Variants in LTV1 observed in about 807,000 individuals in gnomAD.
LTV1 encodes LTV1 ribosome biogenesis factor.
LTV1 carries 39 observed loss-of-function variants against 59.9 expected under a neutral mutation model. That is an observed-to-expected ratio of 0.65 (90% CI 0.50 to 0.85). LTV1 has a LOEUF of 0.85. Ranked by LOEUF, LTV1 falls within the 40% of genes least tolerant of loss-of-function variation. The pLI, the probability that LTV1 is intolerant of heterozygous loss-of-function variation, is 0.00. For missense variants in LTV1, 493 were observed against 549.1 expected, an observed-to-expected ratio of 0.90 and a Z score of 1.02; for synonymous variants, 171 against 189.5, an observed-to-expected ratio of 0.90 and a Z score of 0.80.
chr6:143,844,662 T>C, intron 2 of LTV1, 45 bp downstream of exon 2: 1 of 1,522,336 alleles, frequency 6.6e-7, no homozygotes, highest in South Asian at 1.3e-5. Context: ...TAGACAATAG[T>C]TTTTTTTTTC....
At chr6:143,852,630 A>G in intron 4 of LTV1, among the ~76,000 whole-genome samples, 1 of 152,140 alleles carries the variant, frequency 6.6e-6, no homozygotes, top group East Asian at 1.9e-4. Context: ...GTTTTAGTCA[A>G]GAAGTCTTTG....
In LTV1 at chr6:143,862,170, G is replaced by A; in HGVS notation, c.990G>A (p.Glu330=). Residue 330 remains glutamate (E), a synonymous_variant, in exon 8 of 11, where the codon GAG becomes GAA. Coordinates refer to ENST00000367576, the MANE Select transcript of LTV1 (RefSeq NM_032860.5). The surrounding 1 kb of genome is among the most constrained non-coding windows in gnomAD (Gnocchi z 4.2). ...ACCTGCCAATGAATGAGCTTGATGA[G>A]TCTGAGGAGGAAGAAATGATTACTG... ...DQDLPMNELD[E]SEEEEMITVV... is the part of the protein sequence containing the mutation. 1.9e-6 allele frequency: 3 copies of A among 1,613,960 alleles called. No individual in the cohort carries two copies. The highest frequency in any genetic ancestry group is 2.5e-6 in the Non-Finnish European group (3 of 1,179,866).
intron 2 of LTV1, 57 bp downstream of exon 2, chr6:143,844,674 T>G: frequency 3.7e-6 from 4 of 1,068,816 alleles, no homozygotes; most frequent in East Asian, 4.7e-5. Context: ...TTTTTTTTCT[T>G]TTTTTTTTTT....
chr6:143,850,380 A>G (rs1776962845), intron 4 of LTV1, among the ~76,000 whole-genome samples, 162 bp downstream of exon 4: 1 of 152,152 alleles, frequency 6.6e-6, no homozygotes, highest in East Asian at 1.9e-4. Flanking sequence ...TGATCTTTGT[A>G]TTTTTGTATT....
In LTV1 at chr6:143,850,483, T is replaced by G. The variant is rs139375135; in HGVS notation, c.397+265T>G. Among the ~76,000 whole-genome samples the G allele has an allele frequency of 2.1e-3, 318 of 152,338 alleles. 2 individuals carry two copies. Among genetic ancestry groups the G allele is most frequent in the African/African-American group, 7.4e-3 (309 of 41,572 alleles). ...TAATCTAGTTAGGGGAATTGTAACC[T>G]TCACATAACCTCTTGCAAAGATAGT... is the stretch of plus-strand genomic sequence containing the variant. On this transcript the variant is annotated intron_variant, in intron 4 of 10. Coordinates refer to ENST00000367576, the MANE Select transcript of LTV1 (RefSeq NM_032860.5).
rs564713603 is a variant in LTV1 at position 143,855,456 on chromosome 6, T to C, written c.398-1847T>C. Among the ~76,000 whole-genome samples, 2 of 152,344 alleles carry C rather than the reference T, an allele frequency of 1.3e-5. No individual in the cohort carries two copies. The highest frequency in any genetic ancestry group is 4.1e-4 in the South Asian group (2 of 4,828). ...TTATCCCATTTACATTTAAGGTTAA[T>C]ATTGTAATGTGTTATTTGATTCTGT... On this transcript the variant is annotated intron_variant, in intron 4 of 10. Coordinates refer to ENST00000367576, the MANE Select transcript of LTV1 (RefSeq NM_032860.5). The surrounding 1 kb of genome is among the most constrained non-coding windows in gnomAD (Gnocchi z 4.6).
At chr6:143,856,966 C>T (rs539915321) in intron 4 of LTV1, among the ~76,000 whole-genome samples, 3 of 152,296 alleles carry the variant, frequency 2.0e-5, no homozygotes, top group Non-Finnish European at 2.9e-5. Context: ...AGCACTGTGC[C>T]GGGAGATCCG....
intron 3 of LTV1, 125 bp downstream of exon 3, chr6:143,846,349 T>A: frequency 1.2e-6 from 1 of 804,978 alleles, no homozygotes; most frequent in Non-Finnish European, 2.0e-6. Context: ...CGCCTCCACT[T>A]AAAATTATAT....
intron 1 of LTV1, among the ~76,000 whole-genome samples, chr6:143,843,800 C>G (rs1776843191): frequency 6.6e-6 from 1 of 152,204 alleles, no homozygotes; most frequent in African/African-American, 2.4e-5. Context: ...CCCTGTGCTT[C>G]TTGGGGTCGA....
chr6:143,857,268 T>G lies in LTV1; in HGVS notation c.398-35T>G. 3 of 1,610,754 alleles carry G rather than the reference T, an allele frequency of 1.9e-6. No individual in the cohort carries two copies. Among genetic ancestry groups the G allele is most frequent in the South Asian group, 1.1e-5 (1 of 90,814 alleles). On this transcript the variant is annotated intron_variant, in intron 4 of 10. Transcript: ENST00000367576. The surrounding 1 kb of genome is among the most constrained non-coding windows in gnomAD (Gnocchi z 5.2). ...TTAAGTGAATGAATTGTTGCTATCT[T>G]GGGAATTACTGCTTAATTTTTGTTT...
In LTV1 at chr6:143,859,969, G is replaced by C. The variant is rs532853164; in HGVS notation, c.796-457G>C. 2.9e-4 allele frequency among the ~76,000 whole-genome samples: 44 copies of C among 152,210 alleles called. No individual in the cohort carries two copies. In the East Asian group the frequency reaches 6.2e-3, roughly 21 times the overall value. Reference sequence around the variant, plus strand: ...AATAAATAAAATGGCCTGGTATGGTGGCATGTGCCTGTGGTCCCAGCTGCT... The same window carrying C: ...AATAAATAAAATGGCCTGGTATGGTCGCATGTGCCTGTGGTCCCAGCTGCT... On this transcript the variant is annotated intron_variant, in intron 6 of 10. Transcript: ENST00000367576.
chr6:143,856,070 A>G (rs1343873281), intron 4 of LTV1, among the ~76,000 whole-genome samples: 1 of 152,214 alleles, frequency 6.6e-6, no homozygotes, highest in Non-Finnish European at 1.5e-5. Context: ...AGGTACACCA[A>G]TCAAACATAG....
intron 3 of LTV1, among the ~76,000 whole-genome samples, chr6:143,846,693 C>T (rs1446348425): frequency 6.6e-6 from 1 of 152,128 alleles, no homozygotes. Flanking sequence ...AATGTTCGGT[C>T]CACTTTAATA....
chr6:143,852,415 G>A (rs1252797019), intron 4 of LTV1, among the ~76,000 whole-genome samples: 7 of 151,950 alleles, frequency 4.6e-5, no homozygotes, highest in Non-Finnish European at 1.0e-4. Flanking sequence ...TTTTCAATGG[G>A]GTTGTTTGTT....
chr6:143,847,783 A>G (rs1776917334), intron 3 of LTV1, among the ~76,000 whole-genome samples: 6 of 152,244 alleles, frequency 3.9e-5, no homozygotes. Flanking sequence ...GCTGAATTGT[A>G]TTTAAAAACA....
rs2128492495 is a variant in LTV1 at position 143,863,573 on chromosome 6, C to T, written c.*46C>T. ...AGGCACTTTATTAGGGGCTCCTCAT[C>T]TTTGGTTATTGACTAGAAACTTCAG... On this transcript the variant is annotated 3_prime_UTR_variant, in exon 11 of 11. Transcript: ENST00000367576. This position sits in a 1 kb window ranked among gnomAD's most constrained non-coding sequence, Gnocchi z 4.5. 1 of 1,272,480 alleles carries T rather than the reference C, an allele frequency of 7.9e-7. No homozygotes were observed. The highest frequency in any genetic ancestry group is 1.5e-5 in the African/African-American group (1 of 66,950). 78.8% of individuals were successfully genotyped at this position (1,272,480 alleles called of 1,614,324 possible). A position where few individuals can be genotyped will look rare whatever the true frequency, so the allele number is the denominator to read the frequency against.
chr6:143,843,985 A>G (rs1270417160), intron 1 of LTV1, among the ~76,000 whole-genome samples: 1 of 152,202 alleles, frequency 6.6e-6, no homozygotes, highest in Admixed American at 6.5e-5. Flanking sequence ...ATGTAGAAAG[A>G]GGTGATGGAT....
At position 143,857,670 on chromosome 6, in the gene LTV1, T is replaced by C. The variant is rs1777099057; in HGVS notation, c.540-82T>C. On this transcript the variant is annotated intron_variant, in intron 5 of 10. Transcript: ENST00000367576. This position sits in a 1 kb window ranked among gnomAD's most constrained non-coding sequence, Gnocchi z 5.2. ...AGACAAGAACCCTTCCTGAAATACCTTCCAATTTTACTTGTGTAAAGTGGT... is the reference window on the plus strand; with the variant it reads ...AGACAAGAACCCTTCCTGAAATACCCTCCAATTTTACTTGTGTAAAGTGGT... 2.0e-6 allele frequency: 3 copies of C among 1,484,154 alleles called. No homozygotes were observed. The African/African-American group carries it at 4.2e-5, about 21-fold the overall frequency. The allele number at this position is 1,484,154 out of a possible 1,614,324, so 91.9% of individuals were successfully genotyped here. A position where few individuals can be genotyped will look rare whatever the true frequency, so the allele number is the denominator to read the frequency against.
rs559664669 is a variant in LTV1, at chr6:143,846,376, A to G, written c.309+152A>G. ...AAATTATATATGTGTATGCATGTGT[A>G]TACCATCAGGAGAGAATAGGTCACG... On this transcript the variant is annotated intron_variant, in intron 3 of 10. Transcript: ENST00000367576. The G allele has an allele frequency of 5.7e-6, 4 of 703,196 alleles. No individual in the cohort carries two copies. In the South Asian group the frequency reaches 6.0e-5, roughly 10 times the overall value. The allele number at this position is 703,196 out of a possible 1,614,324, so 43.6% of individuals were successfully genotyped here. A position where few individuals can be genotyped will look rare whatever the true frequency, so the allele number is the denominator to read the frequency against.
Sources: gnomAD v4.1 joint callset for allele counts (sites outside exome capture counted in the v4.1 genomes callset) on GRCh38, gnomAD v4.1.1 for gene constraint, Gnocchi (gnomAD v3.1) non-coding constraint, MANE v1.5 for transcripts, NCBI Gene and HGNC (gene_info 2026-07-23, HGNC 2026-07-21) for gene names.